KISS1: variants seen among roughly 807,000 people sequenced by gnomAD.
The protein encoded by KISS1 is KiSS-1 metastasis suppressor.
For missense variants in KISS1, 182 were observed against 182.7 expected (o/e 1.00, Z 0.02); for synonymous variants, 97 against 88.7 (o/e 1.09, Z -0.52).
chr1:204,190,409 T>TCCCCCCCCCCCCCCCCCCCCC lies in KISS1; in HGVS notation c.*74_*75insGGGGGGGGGGGGGGGGGGGGG. The stretch of plus-strand genomic sequence containing the variant: ...CAGCGCCCCCTCCCTTAGCCCTACG[T>TCCCCCCCCCCCCCCCCCCCCC]CCCCGCCCCCCGCCCCCGCCCCGCA... On this transcript the variant is annotated 3_prime_UTR_variant, in exon 3 of 3. Transcript: ENST00000367194. 42 of 570,016 alleles carry TCCCCCCCCCCCCCCCCCCCCC rather than the reference T, an allele frequency of 7.4e-5. 2 individuals carry two copies. The highest frequency in any genetic ancestry group is 2.0e-4 in the Admixed American group (8 of 40,478). 35.3% of individuals were successfully genotyped at this position (570,016 alleles called of 1,614,324 possible). A position where few individuals can be genotyped will look rare whatever the true frequency, so the allele number is the denominator to read the frequency against.
Position 204,192,733 on chromosome 1 carries a change from C to A in KISS1, c.103+41G>T. The A allele has an allele frequency of 7.9e-7, 1 of 1,259,466 alleles. No homozygotes were observed. 78.0% of individuals were successfully genotyped at this position (1,259,466 alleles called of 1,614,324 possible). A position where few individuals can be genotyped will look rare whatever the true frequency, so the allele number is the denominator to read the frequency against. On this transcript the variant is annotated intron_variant, in intron 2 of 2. Coordinates refer to ENST00000367194, the MANE Select transcript of KISS1 (RefSeq NM_002256.4). This position sits in a 1 kb window ranked among gnomAD's most constrained non-coding sequence, Gnocchi z 4.2. ...ACGGGAAAGCTCATTTTGCAACAAC[C>A]CACTTGCTCCCTCCCACTCCTTTCC... is the stretch of plus-strand genomic sequence containing the variant.
In KISS1 at chr1:204,190,409, T is replaced by TCCCCGCCCCCCGC. The variant is rs1553307863; in HGVS notation, c.*62_*74dup. The TCCCCGCCCCCCGC allele has an allele frequency of 1.4e-5, 8 of 573,250 alleles. No homozygotes were observed. In the East Asian group the frequency reaches 3.0e-4, roughly 21 times the overall value. 35.5% of individuals were successfully genotyped at this position (573,250 alleles called of 1,614,324 possible). ...CAGCGCCCCCTCCCTTAGCCCTACG[T>TCCCCGCCCCCCGC]CCCCGCCCCCCGCCCCCGCCCCGCA... On this transcript the variant is annotated 3_prime_UTR_variant, in exon 3 of 3. Coordinates refer to ENST00000367194, the MANE Select transcript of KISS1 (RefSeq NM_002256.4).
chr1:204,195,137 C>T (rs1252940801), intron 1 of KISS1, among the ~76,000 whole-genome samples: 1 of 145,346 alleles, frequency 6.9e-6, no homozygotes, highest in African/African-American at 2.6e-5. Context: ...CCCCAGCACA[C>T]ACACACACAC....
rs754530551 is a variant in KISS1, at chr1:204,192,830, G to A, written c.47C>T (p.Thr16Ile). 15 of 1,599,078 alleles carry A rather than the reference G, an allele frequency of 9.4e-6. No homozygotes were observed. The South Asian group carries it at 1.1e-4, about 12-fold the overall frequency. ...CTTTTCTAATGGCTCCCCAAAGTGG[G>A]TGGCACAGAGGAAAAGCAGTAGCTG... ...SWQLLLFLCA[T>I]HFGEPLEKVA... Residue 16 changes from threonine (T) to isoleucine (I), a missense_variant, in exon 2 of 3, where the codon ACC (threonine) becomes ATC (isoleucine). Physicochemically the swap from Thr to Ile is moderately conservative, Grantham distance 89. Transcript: ENST00000367194. The surrounding 1 kb of genome is among the most constrained non-coding windows in gnomAD (Gnocchi z 4.2).
chr1:204,192,963 C>T lies in KISS1; in HGVS notation c.-38-49G>A. On this transcript the variant is annotated intron_variant, in intron 1 of 2. Coordinates refer to ENST00000367194, the MANE Select transcript of KISS1 (RefSeq NM_002256.4). This position sits in a 1 kb window ranked among gnomAD's most constrained non-coding sequence, Gnocchi z 4.2. The stretch of plus-strand genomic sequence containing the variant: ...GACTAGGTCAGGCACAGGATCTGGG[C>T]TGGGTGCTGAGGGCAGAGCCCAGTG... 2 of 960,356 alleles carry T rather than the reference C, an allele frequency of 2.1e-6. No homozygotes were observed. Among genetic ancestry groups the T allele is most frequent in the Non-Finnish European group, 1.6e-6 (1 of 613,866 alleles). 59.5% of individuals were successfully genotyped at this position (960,356 alleles called of 1,614,324 possible). A position where few individuals can be genotyped will look rare whatever the true frequency, so the allele number is the denominator to read the frequency against.
At position 204,192,929 on chromosome 1, in the gene KISS1, G is replaced by A. The variant is rs538674207; in HGVS notation, c.-38-15C>T. The stretch of plus-strand genomic sequence containing the variant: ...GTGCCTTGAGGCTGAGACAGAGAGA[G>A]GGAACAAAGACTAGGTCAGGCACAG... On this transcript the variant is annotated splice_polypyrimidine_tract_variant and intron_variant, in intron 1 of 2. Transcript: ENST00000367194. The surrounding 1 kb of genome is among the most constrained non-coding windows in gnomAD (Gnocchi z 4.2). The A allele has an allele frequency of 6.4e-6, 8 of 1,252,754 alleles. No individual in the cohort carries two copies. The Admixed American group carries it at 9.8e-5, about 15-fold the overall frequency. The allele number at this position is 1,252,754 out of a possible 1,614,324, so 77.6% of individuals were successfully genotyped here.
In KISS1 at chr1:204,190,426, C is replaced by CCCCCCCCCCCCCCCT; in HGVS notation, c.*57_*58insAGGGGGGGGGGGGGG. On this transcript the variant is annotated 3_prime_UTR_variant, in exon 3 of 3. Transcript: ENST00000367194. ...GCCCTACGTCCCCGCCCCCCGCCCCCGCCCCGCATGCTCTGACTCCTTTGG... is the reference window on the plus strand; with the variant it reads ...GCCCTACGTCCCCGCCCCCCGCCCCCCCCCCCCCCCCCCCTGCCCCGCATGCTCTGACTCCTTTGG... The CCCCCCCCCCCCCCCT allele has an allele frequency of 1.1e-6, 1 of 950,718 alleles. No individual in the cohort carries two copies. Among genetic ancestry groups the CCCCCCCCCCCCCCCT allele is most frequent in the Non-Finnish European group, 1.6e-6 (1 of 621,400 alleles). The allele number at this position is 950,718 out of a possible 1,614,324, so 58.9% of individuals were successfully genotyped here.
At chr1:204,193,835 G>A (rs1341661995) in intron 1 of KISS1, among the ~76,000 whole-genome samples, 2 of 151,264 alleles carry the variant, frequency 1.3e-5, no homozygotes, top group African/African-American at 2.4e-5. Flanking sequence ...TACCTCTTCC[G>A]GCTCCCAAAT....
chr1:204,190,571 C>T lies in KISS1; in HGVS notation c.330G>A (p.Pro110=), dbSNP rs752674239. The change falls in exon 3 of 3, where the codon CCG becomes CCA. Residue 110 remains proline, a synonymous_variant. Transcript: ENST00000367194. ...GGCCGAAGGAGTTCCAGTTGTAGTTCGGCAGGTCCTTCTCCCGCTGCACCA... is the reference window on the plus strand; with the variant it reads ...GGCCGAAGGAGTTCCAGTTGTAGTTTGGCAGGTCCTTCTCCCGCTGCACCA... The part of the protein sequence containing the change: ...AVLVQREKDL[P]NYNWNSFGLR... The T allele has an allele frequency of 4.9e-5, 79 of 1,605,682 alleles. No homozygotes were observed. The Admixed American group carries it at 1.1e-3, about 22-fold the overall frequency.
chr1:204,190,389 C>G lies in KISS1; in HGVS notation c.*95G>C. 2 of 1,148,664 alleles carry G rather than the reference C, an allele frequency of 1.7e-6. No homozygotes were observed. The highest frequency in any genetic ancestry group is 1.3e-6 in the Non-Finnish European group (1 of 798,136). The allele number at this position is 1,148,664 out of a possible 1,614,324, so 71.2% of individuals were successfully genotyped here. A position where few individuals can be genotyped will look rare whatever the true frequency, so the allele number is the denominator to read the frequency against. ...TTGCCTCGGGTTGGAAGCTCCAGCG[C>G]CCCCTCCCTTAGCCCTACGTCCCCG... On this transcript the variant is annotated 3_prime_UTR_variant, in exon 3 of 3. Transcript: ENST00000367194.
chr1:204,196,243 AG>A (rs1380973404), intron 1 of KISS1, 132 bp downstream of exon 1: 14 of 152,302 alleles, frequency 9.2e-5, no homozygotes, highest in Admixed American at 9.2e-4. Context: ...AGGAAAGATC[AG>A]TGTCTCCCTC....
rs1132478 is a variant in KISS1, at chr1:204,190,432, G to A, written c.*52C>T. On this transcript the variant is annotated 3_prime_UTR_variant, in exon 3 of 3. Transcript: ENST00000367194. The stretch of plus-strand genomic sequence containing the variant: ...CGTCCCCGCCCCCCGCCCCCGCCCC[G>A]CATGCTCTGACTCCTTTGGGGTCTG... 5.2e-4 allele frequency: 255 copies of A among 486,174 alleles called. 1 individual carries two copies. The African/African-American group carries it at 0.013, about 25-fold the overall frequency. The allele number at this position is 486,174 out of a possible 1,614,324, so 30.1% of individuals were successfully genotyped here.
In KISS1 at chr1:204,190,409, T is replaced by TCCCCCCCCCCCCCCCCCCCCCCC; in HGVS notation, c.*74_*75insGGGGGGGGGGGGGGGGGGGGGGG. 1.8e-5 allele frequency: 10 copies of TCCCCCCCCCCCCCCCCCCCCCCC among 570,090 alleles called. No homozygotes were observed. The highest frequency in any genetic ancestry group is 2.5e-5 in the Admixed American group (1 of 40,484). 35.3% of individuals were successfully genotyped at this position (570,090 alleles called of 1,614,324 possible). A position where few individuals can be genotyped will look rare whatever the true frequency, so the allele number is the denominator to read the frequency against. ...CAGCGCCCCCTCCCTTAGCCCTACGTCCCCGCCCCCCGCCCCCGCCCCGCA... is the reference window on the plus strand; with the variant it reads ...CAGCGCCCCCTCCCTTAGCCCTACGTCCCCCCCCCCCCCCCCCCCCCCCCCCCGCCCCCCGCCCCCGCCCCGCA... On this transcript the variant is annotated 3_prime_UTR_variant, in exon 3 of 3. Coordinates refer to ENST00000367194, the MANE Select transcript of KISS1 (RefSeq NM_002256.4).
intron 1 of KISS1, among the ~76,000 whole-genome samples, chr1:204,195,454 CAT>C (rs1203106422): frequency 1.5e-5 from 2 of 136,008 alleles, no homozygotes; most frequent in African/African-American, 5.5e-5. Context: ...ATACACACAA[CAT>C]ACACACACAC....
At position 204,190,529 on chromosome 1, in the gene KISS1, C is replaced by G; in HGVS notation, c.372G>C (p.Arg124=). ...WNSFGLRFGK[R]EAAPGNHGRS... Reference sequence around the variant, plus strand: ...TGCCGTGGTTCCCTGGTGCCGCCTCCCGCTTGCCGAAGCGCAGGCCGAAGG... The same window carrying G: ...TGCCGTGGTTCCCTGGTGCCGCCTCGCGCTTGCCGAAGCGCAGGCCGAAGG... The change falls in exon 3 of 3, where the codon CGG becomes CGC. Residue 124 remains arginine (R), a synonymous_variant. Coordinates refer to ENST00000367194, the MANE Select transcript of KISS1 (RefSeq NM_002256.4). 6.2e-7 allele frequency: 1 copy of G among 1,609,032 alleles called. No individual in the cohort carries two copies. Among genetic ancestry groups the G allele is most frequent in the East Asian group, 2.2e-5 (1 of 44,720 alleles).
In KISS1 at chr1:204,192,907, C is replaced by A; in HGVS notation, c.-31G>T. 1 of 1,442,036 alleles carries A rather than the reference C, an allele frequency of 6.9e-7. No homozygotes were observed. The highest frequency in any genetic ancestry group is 2.4e-5 in the East Asian group (1 of 42,226). The allele number at this position is 1,442,036 out of a possible 1,614,324, so 89.3% of individuals were successfully genotyped here. The stretch of plus-strand genomic sequence containing the variant: ...TGAGAAGAGGCAGGTCCTAGAAGTG[C>A]CTTGAGGCTGAGACAGAGAGAGGGA... On this transcript the variant is annotated 5_prime_UTR_variant, in exon 2 of 3. Transcript: ENST00000367194. The surrounding 1 kb of genome is among the most constrained non-coding windows in gnomAD (Gnocchi z 4.2).
intron 1 of KISS1, among the ~76,000 whole-genome samples, chr1:204,195,206 T>A (rs1212747386): frequency 7.6e-5 from 1 of 13,124 alleles, no homozygotes; most frequent in Non-Finnish European, 1.7e-4. Context: ...ACCACACACA[T>A]ATATACGCAC....
intron 1 of KISS1, among the ~76,000 whole-genome samples, chr1:204,194,088 A>AC (rs1486413553): frequency 6.6e-6 from 1 of 150,516 alleles, no homozygotes; most frequent in Non-Finnish European, 1.5e-5. Context: ...CCACACCCCC[A>AC]CCCCCCATTC....
rs987388237 is a variant in KISS1 at position 204,195,653 on chromosome 1, C to T, written c.-39+723G>A. ...GTACATCATACACACACATACACCACATACACCACACATGCGCACACACAT... is the reference window on the plus strand; with the variant it reads ...GTACATCATACACACACATACACCATATACACCACACATGCGCACACACAT... On this transcript the variant is annotated intron_variant, in intron 1 of 2. Coordinates refer to ENST00000367194, the MANE Select transcript of KISS1 (RefSeq NM_002256.4). Among the ~76,000 whole-genome samples, 3 of 150,906 alleles carry T rather than the reference C, an allele frequency of 2.0e-5. 1 individual carries two copies. Among genetic ancestry groups the T allele is most frequent in the South Asian group, 4.2e-4 (2 of 4,762 alleles).
Sources: allele counts gnomAD v4.1 joint callset (sites outside exome capture counted in the v4.1 genomes callset), GRCh38; gene constraint gnomAD v4.1.1; non-coding constraint Gnocchi (gnomAD v3.1); transcripts MANE v1.5; gene names NCBI Gene and HGNC (gene_info 2026-07-23, HGNC 2026-07-21).